The following YEATS4 variants were observed in gnomAD, a reference collection of about 807,000 sequenced individuals.
YEATS4 encodes the protein YEATS domain-containing protein 4.
In YEATS4, 17 loss-of-function variants were observed where a neutral mutation model predicts 30.1. The ratio of observed to expected loss-of-function variants is 0.56; its 90% CI spans 0.39 to 0.85. The LOEUF (loss-of-function observed/expected upper bound fraction) is 0.85, where lower values mean the gene tolerates loss of function less well. Among genes scored for constraint, YEATS4 ranks in the 40% least tolerant of loss-of-function variants. YEATS4 has a pLI of 0.00. For synonymous variants in YEATS4, 85 were observed against 87.5 expected (o/e 0.97, Z 0.16); for missense variants, 142 against 268.3 (o/e 0.53, Z 3.29).
chr12:69,361,200 T>TA (rs933367562), intron 1 of YEATS4: 121 of 149,170 alleles, frequency 8.1e-4, no homozygotes, highest in South Asian at 3.8e-3. Flanking sequence ...AATGTTTCTT[T>TA]AAAAAAAAAA....
intron 1 of YEATS4, among the ~76,000 whole-genome samples, chr12:69,361,120 C>T (rs1313941532): frequency 2.0e-5 from 3 of 151,544 alleles, no homozygotes; most frequent in Non-Finnish European, 2.9e-5. Context: ...ATCGCTTGAA[C>T]CCGAGAGGCG....
chr12:69,389,516 C>A (rs1868291180), intron 6 of YEATS4, among the ~76,000 whole-genome samples: 1 of 146,976 alleles, frequency 6.8e-6, no homozygotes, highest in Non-Finnish European at 1.5e-5. Context: ...ACGCTTCCCC[C>A]CCACCCCCAC....
At chr12:69,397,647 CTTTT>C in the YEATS4 span, among the ~76,000 whole-genome samples, 1 of 152,198 alleles carries the variant, frequency 6.6e-6, no homozygotes, top group African/African-American at 2.4e-5. Context: ...CATTAAACCT[CTTTT>C]TATTTATAAA....
chr12:69,394,685 G>T (rs779778375), downstream of YEATS4, among the ~76,000 whole-genome samples: 1 of 152,078 alleles, frequency 6.6e-6, no homozygotes, highest in Non-Finnish European at 1.5e-5. Flanking sequence ...CTGGAACACT[G>T]CAGCCTTGAC....
At chr12:69,396,103 T>C in the YEATS4 span, among the ~76,000 whole-genome samples, 1 of 152,230 alleles carries the variant, frequency 6.6e-6, no homozygotes. Context: ...TTTCTCACTT[T>C]CACTGGCTAT....
chr12:69,419,234 T>TTTTTTTTTTTTG, the YEATS4 span, among the ~76,000 whole-genome samples: 2 of 145,926 alleles, frequency 1.4e-5, no homozygotes, highest in Non-Finnish European at 3.0e-5. Flanking sequence ...TTTTTTTTTT[T>TTTTTTTTTTTTG]TTTAGAGACA....
At chr12:69,415,784 T>C in the YEATS4 span, among the ~76,000 whole-genome samples, 2 of 152,054 alleles carry the variant, frequency 1.3e-5, no homozygotes, top group African/African-American at 2.4e-5. Context: ...ATTTCACACA[T>C]GGATGCCGAG....
In YEATS4 at chr12:69,362,981, A is replaced by AATTTTTTTTTTTTTTTTTTT. The variant is rs1198849494; in HGVS notation, c.171+74_171+75insATTTTTTTTTTTTTTTTTTT. 43 of 307,590 alleles carry AATTTTTTTTTTTTTTTTTTT rather than the reference A, an allele frequency of 1.4e-4. 18 individuals are homozygous for AATTTTTTTTTTTTTTTTTTT. The highest frequency in any genetic ancestry group is 3.2e-4 in the African/African-American group (9 of 27,712). 19.1% of individuals were successfully genotyped at this position (307,590 alleles called of 1,614,324 possible). A position where few individuals can be genotyped will look rare whatever the true frequency, so the allele number is the denominator to read the frequency against. The stretch of plus-strand genomic sequence containing the variant: ...TTTGTTTTGCTTAAAGACAACCTGT[A>AATTTTTTTTTTTTTTTTTTT]GTTTTTTTTTTTTTTTTTTTTTTTT... On this transcript the variant is annotated intron_variant, in intron 2 of 6. Coordinates refer to ENST00000247843, the MANE Select transcript of YEATS4 (RefSeq NM_006530.4).
At chr12:69,361,403 G>C (rs1201536058) in intron 1 of YEATS4, 1 of 152,142 alleles carries the variant, frequency 6.6e-6, no homozygotes, top group Non-Finnish European at 1.5e-5. Context: ...CGATTCTCCT[G>C]CCTCAGCCTC....
the YEATS4 span, among the ~76,000 whole-genome samples, chr12:69,398,093 TACATAGTGGTAAAAG>T: frequency 6.6e-6 from 1 of 152,176 alleles, no homozygotes; most frequent in East Asian, 1.9e-4. Context: ...GGAAGCATCA[TACATAGTGGTAAAAG>T]ACTGGATTCT....
At chr12:69,371,443 C>A (rs2072961394) in intron 6 of YEATS4, among the ~76,000 whole-genome samples, 1 of 152,176 alleles carries the variant, frequency 6.6e-6, no homozygotes, top group African/African-American at 2.4e-5. Context: ...CATTGATAAT[C>A]GGTCATGTTG....
chr12:69,404,810 G>A, the YEATS4 span, among the ~76,000 whole-genome samples: 1 of 152,318 alleles, frequency 6.6e-6, no homozygotes, highest in African/African-American at 2.4e-5. Flanking sequence ...CTGTGGCCAT[G>A]TTTATATTAT....
intron 2 of YEATS4, 40 bp from the exon 3 acceptor site, chr12:69,365,593 A>G (rs1388043343): frequency 1.4e-6 from 2 of 1,446,790 alleles, no homozygotes; most frequent in Admixed American, 1.8e-5. Flanking sequence ...CCTAGTTTTC[A>G]TTTGTAGATC....
chr12:69,368,810 T>G (rs1249720487), intron 4 of YEATS4, among the ~76,000 whole-genome samples: 1 of 152,224 alleles, frequency 6.6e-6, no homozygotes, highest in East Asian at 1.9e-4. Flanking sequence ...TCTTTCTCCC[T>G]GGTCTCTGTG....
chr12:69,403,586 A>G, the YEATS4 span, among the ~76,000 whole-genome samples: 2 of 151,956 alleles, frequency 1.3e-5, no homozygotes, highest in Non-Finnish European at 2.9e-5. Flanking sequence ...CAAAAAAAAA[A>G]AAAAAGAAAA....
the YEATS4 span, among the ~76,000 whole-genome samples, chr12:69,411,814 G>A: frequency 2.0e-5 from 3 of 152,224 alleles, no homozygotes; most frequent in Non-Finnish European, 2.9e-5. Context: ...AGCATTCCTG[G>A]TGTGTCTGGG....
chr12:69,408,659 A>C, the YEATS4 span, among the ~76,000 whole-genome samples: 1 of 152,222 alleles, frequency 6.6e-6, no homozygotes, highest in Non-Finnish European at 1.5e-5. Flanking sequence ...ATGGTGATAC[A>C]ATTGATGATC....
chr12:69,377,449 G>GT (rs1875912361), intron 6 of YEATS4, among the ~76,000 whole-genome samples: 1 of 139,772 alleles, frequency 7.2e-6, no homozygotes, highest in Non-Finnish European at 1.5e-5. Flanking sequence ...TTTTGGAGCT[G>GT]GGGATCTCGC....
downstream of YEATS4, among the ~76,000 whole-genome samples, chr12:69,394,617 G>GTGTTTGTTTGTTTGTT (rs60206769): frequency 1.6e-4 from 24 of 151,440 alleles, no homozygotes; most frequent in Admixed American, 5.3e-4. Context: ...TGGAGATAGT[G>GTGTTTGTTTGTTTGTT]TGTTTGTTTG....
Sources: allele counts gnomAD v4.1 joint callset (sites outside exome capture counted in the v4.1 genomes callset), GRCh38; gene constraint gnomAD v4.1.1; transcripts MANE v1.5; gene names NCBI Gene and HGNC (gene_info 2026-07-23, HGNC 2026-07-21).